RNF139: variants seen among roughly 807,000 people sequenced by gnomAD.
RNF139 encodes the protein ring finger protein 139, also known as E3 ubiquitin-protein ligase RNF139.
In RNF139, 15 loss-of-function variants were observed where a neutral mutation model predicts 49.5. That is an observed-to-expected ratio of 0.30 (90% CI 0.20 to 0.47). The LOEUF (loss-of-function observed/expected upper bound fraction) is 0.47, where lower values mean the gene tolerates loss of function less well. Among genes scored for constraint, RNF139 ranks in the 20% least tolerant of loss-of-function variants. RNF139 has a pLI of 1.00. For synonymous variants in RNF139, 325 were observed against 300.9 expected (o/e 1.08, Z -0.83); for missense variants, 619 against 806.3 (o/e 0.77, Z 2.81).
At position 124,487,438 on chromosome 8, in the gene RNF139, G is replaced by C; in HGVS notation, c.1789G>C (p.Asp597His). The change falls in exon 2 of 2, where the codon GAT becomes CAT. Residue 597 changes from aspartate to histidine, a missense_variant. This residue lies in a region of RNF139 where 530 missense variants were observed against 728.9 expected (regional missense o/e 0.73). Coordinates refer to ENST00000303545, the MANE Select transcript of RNF139 (RefSeq NM_007218.4). ...AGTATACATCGAAGATGATATCAAG[G>C]ATAATTCAAATGTATCTAACAACAA... The part of the protein sequence containing the change: ...QKVYIEDDIK[D>H]NSNVSNNNGF... The C allele has an allele frequency of 6.2e-7, 1 of 1,614,030 alleles. No individual in the cohort carries two copies. The highest frequency in any genetic ancestry group is 8.5e-7 in the Non-Finnish European group (1 of 1,179,946).
In RNF139 at chr8:124,486,152, C is replaced by G. The variant is rs1816524301; in HGVS notation, c.503C>G (p.Thr168Arg). 6.2e-7 allele frequency: 1 copy of G among 1,613,992 alleles called. No individual in the cohort carries two copies. Among genetic ancestry groups the G allele is most frequent in the South Asian group, 1.1e-5 (1 of 91,084 alleles). ...TTGGTTCCTGTAATAGGCTTAATCA[C>G]AGAGCTACCATTACACATCAGAGAG... is the stretch of plus-strand genomic sequence containing the variant. Reference protein sequence around the residue: ...DLLVPVIGLITELPLHIRETL... With the variant: ...DLLVPVIGLIRELPLHIRETL... The change falls in exon 2 of 2, where the codon ACA (threonine) becomes AGA (arginine). Residue 168 changes from threonine to arginine, a missense_variant. Coordinates refer to ENST00000303545, the MANE Select transcript of RNF139 (RefSeq NM_007218.4).
At chr8:124,482,861 G>A (rs1259126349) in intron 1 of RNF139, among the ~76,000 whole-genome samples, 3 of 145,800 alleles carry the variant, frequency 2.1e-5, no homozygotes, top group East Asian at 2.0e-4. Flanking sequence ...GGGAGGCAGA[G>A]GTTGCAGTGA....
intron 1 of RNF139, among the ~76,000 whole-genome samples, chr8:124,481,822 C>T (rs1401634623): frequency 3.3e-5 from 5 of 152,190 alleles, no homozygotes; most frequent in Non-Finnish European, 7.4e-5. Flanking sequence ...GAAAGGCTTT[C>T]ATGTCTAATG....
intron 1 of RNF139, among the ~76,000 whole-genome samples, chr8:124,475,936 A>G (rs1314746653): frequency 1.3e-5 from 2 of 152,242 alleles, no homozygotes; most frequent in Admixed American, 1.3e-4. Flanking sequence ...ACATTTGCCA[A>G]AGAGACTTCT....
At position 124,488,453 on chromosome 8, in the gene RNF139, G is replaced by A. The variant is rs1816596038; in HGVS notation, c.*809G>A. The A allele has an allele frequency of 6.2e-6, 3 of 482,362 alleles. No homozygotes were observed. The East Asian group carries it at 1.1e-4, about 17-fold the overall frequency. 29.9% of individuals were successfully genotyped at this position (482,362 alleles called of 1,614,324 possible). Reference sequence around the variant, plus strand: ...TCCTGATCTGATTTTACGAGAAAAAGAAGGGGAATGGTGGGGAATGGTGTG... The same window carrying A: ...TCCTGATCTGATTTTACGAGAAAAAAAAGGGGAATGGTGGGGAATGGTGTG... On this transcript the variant is annotated 3_prime_UTR_variant, in exon 2 of 2. Coordinates refer to ENST00000303545, the MANE Select transcript of RNF139 (RefSeq NM_007218.4).
chr8:124,482,936 A>AG (rs1816443444), intron 1 of RNF139, among the ~76,000 whole-genome samples: 1 of 94,602 alleles, frequency 1.1e-5, no homozygotes, highest in Non-Finnish European at 2.1e-5. Context: ...AAAAAAATAT[A>AG]AAAAAAAATA....
At chr8:124,482,985 TATA>T (rs1816451955) in intron 1 of RNF139, among the ~76,000 whole-genome samples, 1 of 103,110 alleles carries the variant, frequency 9.7e-6, no homozygotes, top group African/African-American at 3.9e-5. Context: ...TAAATATATA[TATA>T]TTTAAAAATA....
At chr8:124,483,669 A>G (rs1482876114) in intron 1 of RNF139, among the ~76,000 whole-genome samples, 2 of 152,020 alleles carry the variant, frequency 1.3e-5, no homozygotes, top group African/African-American at 2.4e-5. Flanking sequence ...GCCTCAAGTG[A>G]TCCACCCGCC....
chr8:124,481,561 T>G (rs1816409245), intron 1 of RNF139, among the ~76,000 whole-genome samples: 1 of 152,158 alleles, frequency 6.6e-6, no homozygotes, highest in Non-Finnish European at 1.5e-5. Flanking sequence ...ATATATAGTT[T>G]CAAAGTTCCT....
Position 124,475,036 on chromosome 8 carries a change from C to T in RNF139, c.-74C>T, listed in dbSNP as rs1816284361. The stretch of plus-strand genomic sequence containing the variant: ...GCGGAGTTGCCCGCCTTAGCCCCCG[C>T]CCCCGGCCGCGGCCCCGGGCCCTGC... On this transcript the variant is annotated 5_prime_UTR_variant, in exon 1 of 2. Coordinates refer to ENST00000303545, the MANE Select transcript of RNF139 (RefSeq NM_007218.4). 2 of 1,078,590 alleles carry T rather than the reference C, an allele frequency of 1.9e-6. No homozygotes were observed. Among genetic ancestry groups the T allele is most frequent in the Non-Finnish European group, 1.2e-6 (1 of 853,356 alleles). The allele number at this position is 1,078,590 out of a possible 1,614,324, so 66.8% of individuals were successfully genotyped here.
In RNF139 at chr8:124,487,217, G is replaced by C; in HGVS notation, c.1568G>C (p.Arg523Thr). The change falls in exon 2 of 2, where the codon AGG becomes ACG. Residue 523 changes from arginine (R) to threonine (T), a missense_variant. Arg to Thr is a moderately conservative substitution (Grantham distance 71). Transcript: ENST00000303545. ...KNGWKTFMNR[R>T]TAVKKINSLP... ...GGCTGGAAGACATTTATGAATCGTA[G>C]GACTGCTGTGAAGAAAATTAATTCA... The C allele has an allele frequency of 1.2e-6, 2 of 1,613,898 alleles. No individual in the cohort carries two copies. Among genetic ancestry groups the C allele is most frequent in the Non-Finnish European group, 8.5e-7 (1 of 1,179,970 alleles).
Position 124,486,408 on chromosome 8 carries a change from A to T in RNF139, c.759A>T (p.Leu253Phe). 1 of 1,614,166 alleles carries T rather than the reference A, an allele frequency of 6.2e-7. No individual in the cohort carries two copies. The highest frequency in any genetic ancestry group is 8.5e-7 in the Non-Finnish European group (1 of 1,180,014). The stretch of plus-strand genomic sequence containing the variant: ...GAGTTACAGCTCAGGCTACAGTGTT[A>T]ATGTACATCTTAAGGATGGCAAATG... ...LTRVTAQATV[L>F]MYILRMANET... Residue 253 changes from leucine (L) to phenylalanine (F), a missense_variant, in exon 2 of 2, where the codon TTA (leucine) becomes TTT (phenylalanine). Around this residue, in one of 2 missense-constraint regions of RNF139, gnomAD observed 530 missense variants for 728.9 expected, o/e 0.73. Transcript: ENST00000303545.
intron 1 of RNF139, chr8:124,483,353 G>C (rs1816481785): frequency 6.6e-6 from 1 of 151,328 alleles, no homozygotes; most frequent in Admixed American, 6.6e-5. Flanking sequence ...GCAGTGGATT[G>C]TGAAATGCGT....
In RNF139 at chr8:124,476,263, C is replaced by T. The variant is rs548112863; in HGVS notation, c.181+973C>T. 6.6e-5 allele frequency among the ~76,000 whole-genome samples: 10 copies of T among 152,266 alleles called. No homozygotes were observed. In the East Asian group the frequency reaches 1.9e-3, roughly 29 times the overall value. On this transcript the variant is annotated intron_variant, in intron 1 of 1. Coordinates refer to ENST00000303545, the MANE Select transcript of RNF139 (RefSeq NM_007218.4). ...AATAAAGGCCGAATTTTGTTCTTAGCAATAAATAGCCATATTTTACATTTA... is the reference window on the plus strand; with the variant it reads ...AATAAAGGCCGAATTTTGTTCTTAGTAATAAATAGCCATATTTTACATTTA...
intron 1 of RNF139, among the ~76,000 whole-genome samples, chr8:124,483,903 C>T (rs1447499682): frequency 1.3e-5 from 2 of 152,004 alleles, no homozygotes; most frequent in Non-Finnish European, 2.9e-5. Flanking sequence ...TTATTTTGTA[C>T]AAAATATTGT....
At chr8:124,482,485 A>G (rs1420851489) in intron 1 of RNF139, among the ~76,000 whole-genome samples, 1 of 152,090 alleles carries the variant, frequency 6.6e-6, no homozygotes, top group Non-Finnish European at 1.5e-5. Context: ...GACCCAACTT[A>G]GAAGATTTGT....
intron 1 of RNF139, among the ~76,000 whole-genome samples, chr8:124,478,152 CAAAA>C (rs1314314462): frequency 1.4e-5 from 2 of 145,448 alleles, no homozygotes; most frequent in Non-Finnish European, 3.0e-5. Flanking sequence ...AAAAAAAAAA[CAAAA>C]CAAAACAAGA....
chr8:124,487,597 C>T lies in RNF139; in HGVS notation c.1948C>T (p.Gln650Ter), dbSNP rs999290602. 1 of 1,612,828 alleles carries T rather than the reference C, an allele frequency of 6.2e-7. No homozygotes were observed. Among genetic ancestry groups the T allele is most frequent in the Non-Finnish European group, 8.5e-7 (1 of 1,179,158 alleles). The change falls in exon 2 of 2, where the codon CAG becomes TAG. Residue 650 changes from glutamine to a stop codon, truncating the protein, a stop_gained. Coordinates refer to ENST00000303545, the MANE Select transcript of RNF139 (RefSeq NM_007218.4). LOFTEE classifies it high-confidence loss of function. ...DVQRERNGVI[Q>*]HTGAAAEEFN... The stretch of plus-strand genomic sequence containing the variant: ...TCAAAGAGAAAGAAATGGAGTGATT[C>T]AGCACACAGGCGCAGCAGCTGAAGA...
At position 124,488,388 on chromosome 8, in the gene RNF139, TA is replaced by T. The variant is rs1816592037; in HGVS notation, c.*747del. On this transcript the variant is annotated 3_prime_UTR_variant, in exon 2 of 2. Transcript: ENST00000303545. The stretch of plus-strand genomic sequence containing the variant: ...ATTACAAAACAAAAATAGTTTTTTT[TA>T]AATTGTTTTAAACTAAGATACTCAA... The T allele has an allele frequency of 2.8e-6, 1 of 360,660 alleles. No homozygotes were observed. The highest frequency in any genetic ancestry group is 5.1e-6 in the Non-Finnish European group (1 of 196,730). 22.3% of individuals were successfully genotyped at this position (360,660 alleles called of 1,614,324 possible). A position where few individuals can be genotyped will look rare whatever the true frequency, so the allele number is the denominator to read the frequency against.
Sources: gnomAD v4.1 joint callset for allele counts (sites outside exome capture counted in the v4.1 genomes callset) on GRCh38, gnomAD v4.1.1 for gene constraint, gnomAD v4.1.1 regional missense constraint, MANE v1.5 for transcripts, NCBI Gene and HGNC (gene_info 2026-07-23, HGNC 2026-07-21) for gene names.